The following SP3 variants were observed in gnomAD, a reference collection of about 807,000 sequenced individuals.
The protein encoded by SP3 is transcription factor Sp3.
A neutral mutation model predicts 70.3 loss-of-function variants in SP3; 10 were observed. The observed-to-expected ratio is 0.14, with a 90% CI of 0.09 to 0.24. The LOEUF is 0.24. Ranked by LOEUF, SP3 falls within the 10% of genes least tolerant of loss-of-function variation. SP3 has a pLI of 1.00. For synonymous variants in SP3, 402 were observed against 333.5 expected, an observed-to-expected ratio of 1.21 and a Z score of -2.24; for missense variants, 825 against 914.6, an observed-to-expected ratio of 0.90 and a Z score of 1.26.
chr2:173,948,466 T>C (rs1329245722), intron 4 of SP3, among the ~76,000 whole-genome samples: 1 of 152,036 alleles, frequency 6.6e-6, no homozygotes, highest in East Asian at 1.9e-4. Flanking sequence ...GTATATAGGG[T>C]TTGGTACTCC....
chr2:173,964,772 T>TCCC, intron 1 of SP3: 1 of 421,856 alleles, frequency 2.4e-6, no homozygotes, highest in Non-Finnish European at 4.2e-6. Context: ...TCCTCCTCTT[T>TCCC]CCCTCCTCCT....
chr2:173,954,767 A>T, intron 4 of SP3, 106 bp downstream of exon 4: 1 of 949,324 alleles, frequency 1.1e-6, no homozygotes, highest in Non-Finnish European at 1.6e-6. Flanking sequence ...AACATTGATC[A>T]TTAATTCTAA....
chr2:173,956,914 C>A (rs16862223), intron 3 of SP3, among the ~76,000 whole-genome samples: 1,546 of 152,168 alleles, frequency 0.01, 29 homozygotes, highest in African/African-American at 0.035. Flanking sequence ...TCTAAGTTTT[C>A]AGTAGAATGT....
rs1689327570 is a variant in SP3 at position 173,906,529 on chromosome 2, T to A, written c.*3412A>T. On this transcript the variant is annotated 3_prime_UTR_variant, in exon 7 of 7. Transcript: ENST00000310015. ...AAAAACGATTGTTACCAGCTTCATATAATTAAAACTGAAAACCAAATTGTG... is the reference window on the plus strand; with the variant it reads ...AAAAACGATTGTTACCAGCTTCATAAAATTAAAACTGAAAACCAAATTGTG... The A allele has an allele frequency of 6.6e-6, 1 of 152,212 alleles. No homozygotes were observed. Among genetic ancestry groups the A allele is most frequent in the African/African-American group, 2.4e-5 (1 of 41,448 alleles). 9.4% of individuals were successfully genotyped at this position (152,212 alleles called of 1,614,324 possible). A position where few individuals can be genotyped will look rare whatever the true frequency, so the allele number is the denominator to read the frequency against.
intron 4 of SP3, among the ~76,000 whole-genome samples, chr2:173,920,279 GGGAT>G (rs1203064870): frequency 6.6e-6 from 1 of 152,068 alleles, no homozygotes; most frequent in Admixed American, 6.6e-5. Context: ...AGGGGAGGGA[GGGAT>G]GAATAGGCAC....
rs1574432492 is a variant in SP3 at position 173,964,788 on chromosome 2, T to C, written c.8-235A>G. 33 of 424,074 alleles carry C rather than the reference T, an allele frequency of 7.8e-5. No homozygotes were observed. The East Asian group carries it at 1.2e-3, about 15-fold the overall frequency. 26.3% of individuals were successfully genotyped at this position (424,074 alleles called of 1,614,324 possible). A position where few individuals can be genotyped will look rare whatever the true frequency, so the allele number is the denominator to read the frequency against. On this transcript the variant is annotated intron_variant, in intron 1 of 6. Coordinates refer to ENST00000310015, the MANE Select transcript of SP3 (RefSeq NM_003111.5). ...CCTCCTCTTTCCCTCCTCCTCCTCC[T>C]CCCCGCGCTGCCCCTGCCCCCTCTC...
chr2:173,927,213 C>T (rs1450556597), intron 4 of SP3, among the ~76,000 whole-genome samples: 1 of 152,036 alleles, frequency 6.6e-6, no homozygotes, highest in Non-Finnish European at 1.5e-5. Context: ...CTTCCTCCCA[C>T]ATTGGGGATT....
rs375563414 is a variant in SP3 at position 173,906,198 on chromosome 2, A to G, written c.*3743T>C. ...ACCACACTGTACCTTTGCAAACGCC[A>G]TTTCTGCTGAGTTTCCCAGACTTCA... On this transcript the variant is annotated 3_prime_UTR_variant, in exon 7 of 7. Transcript: ENST00000310015. Among the ~76,000 whole-genome samples, 1 of 152,088 alleles carries G rather than the reference A, an allele frequency of 6.6e-6. No individual in the cohort carries two copies. Among genetic ancestry groups the G allele is most frequent in the African/African-American group, 2.4e-5 (1 of 41,422 alleles).
At chr2:173,927,315 G>A (rs770531764) in intron 4 of SP3, among the ~76,000 whole-genome samples, 25 of 147,972 alleles carry the variant, frequency 1.7e-4, no homozygotes, top group South Asian at 4.3e-4. Context: ...TCACTCTGTC[G>A]CCCAGGGTGG....
Position 173,907,208 on chromosome 2 carries a change from T to C in SP3, c.*2733A>G, listed in dbSNP as rs1456100742. 1 of 152,122 alleles carries C rather than the reference T, an allele frequency of 6.6e-6. No homozygotes were observed. Among genetic ancestry groups the C allele is most frequent in the African/African-American group, 2.4e-5 (1 of 41,430 alleles). 9.4% of individuals were successfully genotyped at this position (152,122 alleles called of 1,614,324 possible). ...CGTCCACTAAATGTTACAACAGGAA[T>C]TATTTGTACATAAATATATTCAATA... On this transcript the variant is annotated 3_prime_UTR_variant, in exon 7 of 7. Transcript: ENST00000310015.
At chr2:173,961,536 T>C (rs1254449692) in intron 3 of SP3, among the ~76,000 whole-genome samples, 2 of 152,246 alleles carry the variant, frequency 1.3e-5, no homozygotes, top group Non-Finnish European at 2.9e-5. Context: ...AGTAATGTCA[T>C]ACCAATGTTC....
chr2:173,905,939 G>A lies in SP3; in HGVS notation c.*4002C>T, dbSNP rs957114658. Among the ~76,000 whole-genome samples, 3 of 152,172 alleles carry A rather than the reference G, an allele frequency of 2.0e-5. No individual in the cohort carries two copies. The highest frequency in any genetic ancestry group is 4.4e-5 in the Non-Finnish European group (3 of 68,032). On this transcript the variant is annotated 3_prime_UTR_variant, in exon 7 of 7. Coordinates refer to ENST00000310015, the MANE Select transcript of SP3 (RefSeq NM_003111.5). ...TGCTTGAGACCAGTAAGTGGAGTCT[G>A]CAGTAAGCCATGATTGCACCACTGC...
chr2:173,939,951 T>G (rs1018899920), intron 4 of SP3, among the ~76,000 whole-genome samples: 1 of 152,142 alleles, frequency 6.6e-6, no homozygotes, highest in Admixed American at 6.6e-5. Context: ...TAACTCACTG[T>G]AGGCTTGACC....
rs200551239 is a variant in SP3 at position 173,955,967 on chromosome 2, T to C, written c.545A>G (p.Gln182Arg). 1.9e-6 allele frequency: 3 copies of C among 1,614,116 alleles called. No homozygotes were observed. In the South Asian group the frequency reaches 3.3e-5, roughly 18 times the overall value. Residue 182 changes from glutamine to arginine, a missense_variant, in exon 4 of 7, where the codon CAG becomes CGG. Gln to Arg is a conservative substitution (Grantham distance 43). Coordinates refer to ENST00000310015, the MANE Select transcript of SP3 (RefSeq NM_003111.5). Reference protein sequence around the residue: ...VIPQIQSADGQQVQIGFTGSS... With the variant: ...VIPQIQSADGRQVQIGFTGSS... ...GCCTGTGAAACCAATTTGAACCTGC[T>C]GACCATCTGCTGACTGGATCTGTGG...
chr2:173,954,813 A>C (rs2105497964), intron 4 of SP3, 60 bp downstream of exon 4: 1 of 1,503,088 alleles, frequency 6.7e-7, no homozygotes, highest in Non-Finnish European at 9.0e-7. Flanking sequence ...TAAAGCAAAA[A>C]ATTTCCCTCT....
chr2:173,919,250 T>C (rs72911145), intron 4 of SP3, among the ~76,000 whole-genome samples: 2,141 of 152,232 alleles, frequency 0.014, 32 homozygotes, highest in Non-Finnish European at 0.02. Context: ...CTAAAGACAA[T>C]AAATTAATTG....
chr2:173,929,224 G>A (rs778447922), intron 4 of SP3, among the ~76,000 whole-genome samples: 3 of 152,108 alleles, frequency 2.0e-5, no homozygotes, highest in South Asian at 2.1e-4. Context: ...GGCCATGCCC[G>A]ACATTAAGAA....
intron 4 of SP3, among the ~76,000 whole-genome samples, chr2:173,925,917 T>C (rs1689897857): frequency 1.3e-5 from 2 of 152,192 alleles, no homozygotes; most frequent in African/African-American, 4.8e-5. Context: ...CTAACTGCTA[T>C]CCAATAAACA....
At chr2:173,939,536 G>A (rs12475859) in intron 4 of SP3, among the ~76,000 whole-genome samples, 20,886 of 152,088 alleles carry the variant, frequency 0.14, 1,908 homozygotes, top group Non-Finnish European at 0.2. Context: ...GGCCGAGGCA[G>A]GTAGATCACC....
Sources: allele counts gnomAD v4.1 joint callset (sites outside exome capture counted in the v4.1 genomes callset), GRCh38; gene constraint gnomAD v4.1.1; transcripts MANE v1.5; gene names NCBI Gene and HGNC (gene_info 2026-07-23, HGNC 2026-07-21).